Variants in UBE2QL1 observed in about 807,000 individuals in gnomAD.
UBE2QL1 encodes ubiquitin-conjugating enzyme E2Q-like protein 1.
A neutral mutation model predicts 12.6 loss-of-function variants in UBE2QL1; 5 were observed. The observed-to-expected ratio is 0.40, with a 90% CI of 0.21 to 0.83. The LOEUF (loss-of-function observed/expected upper bound fraction) is 0.83. Ranked by LOEUF, UBE2QL1 falls within the 40% of genes least tolerant of loss-of-function variation. The probability of loss-of-function intolerance (pLI) is 0.37; values close to 1 mark genes in which losing one functional copy is unlikely to be tolerated. For synonymous variants in UBE2QL1, 96 were observed against 94.5 expected (o/e 1.02, Z -0.10); for missense variants, 99 against 222.6 (o/e 0.44, Z 3.53).
intron 1 of UBE2QL1, among the ~76,000 whole-genome samples, chr5:6,457,431 A>G (rs1185139053): frequency 6.6e-6 from 1 of 152,130 alleles, no homozygotes; most frequent in African/African-American, 2.4e-5. Flanking sequence ...CAGTTTACAT[A>G]ATTACAACTG....
At chr5:6,463,257 CT>C (rs1477271610) in intron 1 of UBE2QL1, among the ~76,000 whole-genome samples, 1 of 152,134 alleles carries the variant, frequency 6.6e-6, no homozygotes, top group Non-Finnish European at 1.5e-5. Context: ...TGAGTACATT[CT>C]TTTATTTATT....
chr5:6,486,675 A>G (rs1244658099), intron 1 of UBE2QL1, among the ~76,000 whole-genome samples: 1 of 152,250 alleles, frequency 6.6e-6, no homozygotes, highest in African/African-American at 2.4e-5. Context: ...TTCCTGACAC[A>G]GGGAAGACCT....
rs192007735 is a variant in UBE2QL1, at chr5:6,475,371, A to G, written c.355-15847A>G. Among the ~76,000 whole-genome samples, 143 of 152,292 alleles carry G rather than the reference A, an allele frequency of 9.4e-4. 1 individual carries two copies. In the East Asian group the frequency reaches 0.024, roughly 26 times the overall value. On this transcript the variant is annotated intron_variant, in intron 1 of 1. Transcript: ENST00000399816. ...ATTACATTCTTAAGACTCTTTTACG[A>G]TAATAGAACACGGCATTTTCCACAG...
At position 6,494,512 on chromosome 5, in the gene UBE2QL1, C is replaced by G. The variant is rs1253226505; in HGVS notation, c.*3163C>G. The G allele has an allele frequency of 6.6e-6, 1 of 152,190 alleles. No individual in the cohort carries two copies. Among genetic ancestry groups the G allele is most frequent in the African/African-American group, 2.4e-5 (1 of 41,442 alleles). The allele number at this position is 152,190 out of a possible 1,614,324, so 9.4% of individuals were successfully genotyped here. ...ATGTGTCCATGTAACCCTGGCCAGT[C>G]ACTCCACCTGCCTGAGCCTTGGTTT... On this transcript the variant is annotated 3_prime_UTR_variant, in exon 2 of 2. Transcript: ENST00000399816.
intron 1 of UBE2QL1, among the ~76,000 whole-genome samples, chr5:6,489,790 C>G (rs1051447952): frequency 6.6e-6 from 1 of 152,226 alleles, no homozygotes; most frequent in African/African-American, 2.4e-5. Flanking sequence ...GGTGGCCACA[C>G]AGACCCATAT....
At chr5:6,461,424 G>A (rs762965235) in intron 1 of UBE2QL1, among the ~76,000 whole-genome samples, 2 of 151,908 alleles carry the variant, frequency 1.3e-5, no homozygotes, top group Admixed American at 6.6e-5. Flanking sequence ...GGATTTCTAC[G>A]CTGTTTTTAT....
At chr5:6,457,815 A>T (rs1359425390) in intron 1 of UBE2QL1, among the ~76,000 whole-genome samples, 2 of 152,234 alleles carry the variant, frequency 1.3e-5, no homozygotes, top group Non-Finnish European at 2.9e-5. Context: ...ATTGTTCCTC[A>T]TGGCACATAT....
intron 1 of UBE2QL1, among the ~76,000 whole-genome samples, chr5:6,490,910 C>G (rs911030301): frequency 1.9e-4 from 29 of 152,242 alleles, no homozygotes; most frequent in African/African-American, 6.7e-4. Flanking sequence ...GGAACTGGGG[C>G]AGAGATTTCT....
chr5:6,491,422 T>C lies in UBE2QL1; in HGVS notation c.*73T>C. 2.8e-6 allele frequency: 4 copies of C among 1,446,562 alleles called. No individual in the cohort carries two copies. Among genetic ancestry groups the C allele is most frequent in the Non-Finnish European group, 2.7e-6 (3 of 1,098,826 alleles). 89.6% of individuals were successfully genotyped at this position (1,446,562 alleles called of 1,614,324 possible). ...CAGTACCCTGACATCTCCTCAATGC[T>C]GTGCATCCTCCACCCGTTTTTACTC... On this transcript the variant is annotated 3_prime_UTR_variant, in exon 2 of 2. Coordinates refer to ENST00000399816, the MANE Select transcript of UBE2QL1 (RefSeq NM_001145161.3).
At position 6,481,681 on chromosome 5, in the gene UBE2QL1, C is replaced by T. The variant is rs899122367; in HGVS notation, c.355-9537C>T. Among the ~76,000 whole-genome samples, 2 of 152,220 alleles carry T rather than the reference C, an allele frequency of 1.3e-5. No individual in the cohort carries two copies. Among genetic ancestry groups the T allele is most frequent in the South Asian group, 4.1e-4 (2 of 4,828 alleles). On this transcript the variant is annotated intron_variant, in intron 1 of 1. Coordinates refer to ENST00000399816, the MANE Select transcript of UBE2QL1 (RefSeq NM_001145161.3). This position sits in a 1 kb window ranked among gnomAD's most constrained non-coding sequence, Gnocchi z 4.5. ...TCGGGCCTCCCACTGATCCTTCCCC[C>T]AGCCTTGCCCACATGACCTTAGTTG... is the stretch of plus-strand genomic sequence containing the variant.
At chr5:6,474,922 G>C (rs1181442946) in intron 1 of UBE2QL1, among the ~76,000 whole-genome samples, 1 of 152,206 alleles carries the variant, frequency 6.6e-6, no homozygotes, top group Non-Finnish European at 1.5e-5. Flanking sequence ...GTTTACATCT[G>C]TGCTTCCGTT....
At chr5:6,456,959 T>G (rs1739539706) in intron 1 of UBE2QL1, among the ~76,000 whole-genome samples, 1 of 151,672 alleles carries the variant, frequency 6.6e-6, no homozygotes, top group Non-Finnish European at 1.5e-5. Context: ...CCTCTCCCGC[T>G]CTCTTCCTCT....
chr5:6,466,531 G>A (rs1048710171), intron 1 of UBE2QL1, among the ~76,000 whole-genome samples: 13 of 152,248 alleles, frequency 8.5e-5, no homozygotes, highest in African/African-American at 3.1e-4. Context: ...GGGCCTGCCG[G>A]ACCAGCCCAG....
intron 1 of UBE2QL1, among the ~76,000 whole-genome samples, chr5:6,471,733 T>G (rs1173479823): frequency 6.6e-6 from 1 of 152,204 alleles, no homozygotes; most frequent in Non-Finnish European, 1.5e-5. Flanking sequence ...GAAATCCTTT[T>G]GGGACAGCTT....
rs11420520 is a variant in UBE2QL1, at chr5:6,478,622, G to GT, written c.355-12583dup. ...CTAGTGACATTCTTGGTCTCTTTCG[G>GT]TTTTTTTTTTTTTGGACTTTAACAG... On this transcript the variant is annotated intron_variant, in intron 1 of 1. Coordinates refer to ENST00000399816, the MANE Select transcript of UBE2QL1 (RefSeq NM_001145161.3). The surrounding 1 kb of genome is among the most constrained non-coding windows in gnomAD (Gnocchi z 4.5). 0.097 allele frequency among the ~76,000 whole-genome samples: 13,932 copies of GT among 144,308 alleles called. 652 individuals are homozygous for GT. The highest frequency in any genetic ancestry group is 0.11 in the African/African-American group (4,470 of 39,490). The allele number at this position is 144,308 out of a possible 152,430, so 94.7% of individuals were successfully genotyped here.
At chr5:6,468,743 C>T (rs560444420) in intron 1 of UBE2QL1, among the ~76,000 whole-genome samples, 9 of 152,116 alleles carry the variant, frequency 5.9e-5, no homozygotes, top group East Asian at 1.9e-4. Flanking sequence ...TAGTTACTTC[C>T]GGAAATGATT....
intron 1 of UBE2QL1, among the ~76,000 whole-genome samples, chr5:6,464,610 T>TA (rs1739745395): frequency 1.3e-5 from 2 of 152,140 alleles, no homozygotes; most frequent in Non-Finnish European, 1.5e-5. Context: ...GGAGATGACT[T>TA]ACGGCGCTCA....
chr5:6,449,217 C>G lies in UBE2QL1; in HGVS notation c.324C>G (p.Arg108=). ...CCTACACCGTGGAGGCCGTCATGCG[C>G]CAGTTCGCAGCCAGCCTGGTCAAGG... ...SSAYTVEAVM[R]QFAASLVKGQ... Residue 108 remains arginine, a synonymous_variant, in exon 1 of 2, where the codon CGC becomes CGG. Transcript: ENST00000399816. The G allele has an allele frequency of 6.8e-7, 1 of 1,466,982 alleles. No individual in the cohort carries two copies. The highest frequency in any genetic ancestry group is 2.2e-5 in the Admixed American group (1 of 44,792). The allele number at this position is 1,466,982 out of a possible 1,614,324, so 90.9% of individuals were successfully genotyped here.
Position 6,461,800 on chromosome 5 carries a change from C to T in UBE2QL1, c.354+12553C>T, listed in dbSNP as rs553572358. The stretch of plus-strand genomic sequence containing the variant: ...ACGTAATCTTTTAGTGAGATGATTC[C>T]GATCACCCTATCCTGAGAAAAATCT... On this transcript the variant is annotated intron_variant, in intron 1 of 1. Coordinates refer to ENST00000399816, the MANE Select transcript of UBE2QL1 (RefSeq NM_001145161.3). 1.6e-4 allele frequency among the ~76,000 whole-genome samples: 25 copies of T among 152,270 alleles called. No individual in the cohort carries two copies. In the East Asian group the frequency reaches 2.9e-3, roughly 18 times the overall value.
Sources: allele counts gnomAD v4.1 joint callset (sites outside exome capture counted in the v4.1 genomes callset), GRCh38; gene constraint gnomAD v4.1.1; non-coding constraint Gnocchi (gnomAD v3.1); transcripts MANE v1.5; gene names NCBI Gene and HGNC (gene_info 2026-07-23, HGNC 2026-07-21).